PLXNA4: variants seen among roughly 807,000 people sequenced by gnomAD.
PLXNA4 encodes plexin-A4.
PLXNA4 carries 44 observed loss-of-function variants against 191.8 expected under a neutral mutation model. The ratio of observed to expected loss-of-function variants is 0.23; its 90% CI spans 0.18 to 0.29. The LOEUF is 0.29. PLXNA4 is among the 10% of genes least tolerant of loss of function. PLXNA4 has a pLI of 1.00. For synonymous variants in PLXNA4, 1,082 were observed against 1,009.5 expected (o/e 1.07, Z -1.36); for missense variants, 1,800 against 2,488.8 (o/e 0.72, Z 5.89).
At chr7:132,457,645 A>C (rs774616326) in intron 3 of PLXNA4, among the ~76,000 whole-genome samples, 1 of 152,236 alleles carries the variant, frequency 6.6e-6, no homozygotes, top group African/African-American at 2.4e-5. Flanking sequence ...TATGTGATTG[A>C]GTTGAGGACC....
At chr7:132,574,816 T>A (rs115633627) in intron 1 of PLXNA4, among the ~76,000 whole-genome samples, 1 of 152,146 alleles carries the variant, frequency 6.6e-6, no homozygotes, top group Non-Finnish European at 1.5e-5. Flanking sequence ...GAAAAAGCCC[T>A]TTCATTCAGC....
chr7:132,487,577 C>T lies in PLXNA4; in HGVS notation c.1371+1715G>A, dbSNP rs963853949. On this transcript the variant is annotated intron_variant, in intron 3 of 31. Coordinates refer to ENST00000321063, the MANE Select transcript of PLXNA4 (RefSeq NM_020911.2). ...CTTCTCTCCTCAGTGTGGACTGACG[C>T]GTGTCAGACACAATTTCAGAGTTTG... Among the ~76,000 whole-genome samples the T allele has an allele frequency of 1.2e-4, 18 of 152,320 alleles. 2 individuals carry two copies. Among genetic ancestry groups the T allele is most frequent in the Admixed American group, 5.9e-4 (9 of 15,302 alleles).
At chr7:132,645,563 T>C (rs1803850712) in intron 2 of PLXNA4, among the ~76,000 whole-genome samples, 1 of 152,222 alleles carries the variant, frequency 6.6e-6, no homozygotes, top group Non-Finnish European at 1.5e-5. Flanking sequence ...TGGACTAATA[T>C]ACAGTTTCTG....
chr7:132,444,256 TTC>T (rs1795806975), intron 3 of PLXNA4, among the ~76,000 whole-genome samples: 1 of 152,250 alleles, frequency 6.6e-6, no homozygotes, highest in Admixed American at 6.5e-5. Context: ...AAAGTAACTC[TTC>T]TCTTTCTTTT....
intron 3 of PLXNA4, among the ~76,000 whole-genome samples, chr7:132,313,980 G>T (rs536686461): frequency 1.3e-5 from 2 of 152,086 alleles, no homozygotes; most frequent in Admixed American, 6.6e-5. Context: ...ACTACAGAGG[G>T]CTCACTAAGT....
intron 31 of PLXNA4, among the ~76,000 whole-genome samples, chr7:132,132,162 G>A (rs902035704): frequency 1.3e-5 from 2 of 152,226 alleles, no homozygotes; most frequent in East Asian, 1.9e-4. Flanking sequence ...CAGCAGTGTC[G>A]TGTGTGCCCC....
At chr7:132,214,135 A>G (rs1212800132) in intron 9 of PLXNA4, among the ~76,000 whole-genome samples, 8 of 152,138 alleles carry the variant, frequency 5.3e-5, no homozygotes. Context: ...CCACCTCAGG[A>G]TGGGCTGGTC....
chr7:132,184,613 G>A (rs1796816335), intron 16 of PLXNA4, among the ~76,000 whole-genome samples: 1 of 152,202 alleles, frequency 6.6e-6, no homozygotes. Context: ...GGCCCAGGAA[G>A]AGTACCAATT....
chr7:132,580,851 A>G (rs1414121959), upstream of PLXNA4, among the ~76,000 whole-genome samples: 1 of 152,166 alleles, frequency 6.6e-6, no homozygotes, highest in African/African-American at 2.4e-5. Flanking sequence ...CACTGGATAG[A>G]AAAACCACAG....
intron 1 of PLXNA4, among the ~76,000 whole-genome samples, chr7:132,544,628 A>G (rs1300412290): frequency 6.6e-6 from 1 of 152,182 alleles, no homozygotes; most frequent in East Asian, 1.9e-4. Flanking sequence ...CTACTGAGTG[A>G]TGAAAAGGTG....
intron 2 of PLXNA4, among the ~76,000 whole-genome samples, chr7:132,498,631 G>GTA (rs992810563): frequency 2.0e-5 from 3 of 152,234 alleles, no homozygotes; most frequent in Non-Finnish European, 2.9e-5. Flanking sequence ...AAAAAACACG[G>GTA]TATATATGGG....
rs1327592323 is a variant in PLXNA4, at chr7:132,508,141, T to A, written c.553A>T (p.Ile185Phe). Reference sequence around the variant, plus strand: ...GGCTTCCCATCCACTGCCGTGGCAATGAACAGCTTGTCATCCAGGTTGCTG... The same window carrying A: ...GGCTTCCCATCCACTGCCGTGGCAAAGAACAGCTTGTCATCCAGGTTGCTG... ...SYSNLDDKLF[I>F]ATAVDGKPEY... Residue 185 changes from isoleucine to phenylalanine, a missense_variant, in exon 2 of 32, where the codon ATT (isoleucine) becomes TTT (phenylalanine). Around this residue, in one of 6 missense-constraint regions of PLXNA4, gnomAD observed 1,397 missense variants for 1,880.4 expected, o/e 0.74. Transcript: ENST00000321063. The surrounding 1 kb of genome is among the most constrained non-coding windows in gnomAD (Gnocchi z 4.4). The A allele has an allele frequency of 6.2e-7, 1 of 1,614,064 alleles. No individual in the cohort carries two copies. Among genetic ancestry groups the A allele is most frequent in the Non-Finnish European group, 8.5e-7 (1 of 1,180,050 alleles).
At chr7:132,647,413 A>G (rs572111131) in intron 1 of PLXNA4, among the ~76,000 whole-genome samples, 6 of 152,096 alleles carry the variant, frequency 3.9e-5, no homozygotes, top group African/African-American at 1.2e-4. Context: ...ACACACTGTC[A>G]TACAATCACA....
chr7:132,423,046 C>G (rs939909318), intron 3 of PLXNA4, among the ~76,000 whole-genome samples: 1 of 152,136 alleles, frequency 6.6e-6, no homozygotes, highest in African/African-American at 2.4e-5. Context: ...ATCCCTGCCC[C>G]GCTAGCCCCT....
intron 3 of PLXNA4, among the ~76,000 whole-genome samples, chr7:132,381,784 G>T (rs1804903590): frequency 6.6e-6 from 1 of 152,192 alleles, no homozygotes. Context: ...AGGCTTTAAT[G>T]GAGAGCGCCA....
intron 1 of PLXNA4, among the ~76,000 whole-genome samples, chr7:132,563,190 C>T (rs992428274): frequency 2.0e-5 from 2 of 98,588 alleles, no homozygotes; most frequent in Non-Finnish European, 4.3e-5. Flanking sequence ...TCTCCTTCCT[C>T]CTCCTCCTCT....
At chr7:132,544,375 A>G (rs1800206334) in intron 1 of PLXNA4, among the ~76,000 whole-genome samples, 3 of 152,226 alleles carry the variant, frequency 2.0e-5, no homozygotes, top group Non-Finnish European at 4.4e-5. Context: ...CCATTTTGTG[A>G]TATTAGAGAT....
At chr7:132,634,853 A>G (rs1324086566) in intron 2 of PLXNA4, among the ~76,000 whole-genome samples, 4 of 152,166 alleles carry the variant, frequency 2.6e-5, no homozygotes, top group Non-Finnish European at 5.9e-5. Flanking sequence ...TGTCTCTGTG[A>G]GGGTGTTGCC....
intron 2 of PLXNA4, among the ~76,000 whole-genome samples, chr7:132,641,631 T>C (rs1297850949): frequency 6.6e-6 from 1 of 152,240 alleles, no homozygotes; most frequent in African/African-American, 2.4e-5. Context: ...AGTGATCTTA[T>C]CTTTCGAATA....
Sources: allele counts gnomAD v4.1 joint callset (sites outside exome capture counted in the v4.1 genomes callset), GRCh38; gene constraint gnomAD v4.1.1; regional missense constraint gnomAD v4.1.1; non-coding constraint Gnocchi (gnomAD v3.1); transcripts MANE v1.5; gene names NCBI Gene and HGNC (gene_info 2026-07-23, HGNC 2026-07-21).